Variants in CAMKMT observed in about 807,000 individuals in gnomAD.
The protein encoded by CAMKMT is CaM KMT.
Under a neutral mutation model 48.0 loss-of-function variants are expected in CAMKMT, and 53 were observed. The ratio of observed to expected loss-of-function variants is 1.10; its 90% CI spans 0.89 to 1.39. CAMKMT has a LOEUF of 1.39. Among genes scored for constraint, CAMKMT ranks in the 40% most tolerant of loss-of-function variants. The pLI is 0.00. For missense variants in CAMKMT, 428 were observed against 402.7 expected (o/e 1.06, Z -0.54); for synonymous variants, 165 against 152.3 (o/e 1.08, Z -0.61).
At chr2:44,727,803 G>C (rs971462482) in intron 7 of CAMKMT, among the ~76,000 whole-genome samples, 2 of 152,102 alleles carry the variant, frequency 1.3e-5, no homozygotes, top group Non-Finnish European at 2.9e-5. Context: ...GTCTGTTGAG[G>C]TTTTTTATCA....
chr2:44,488,857 G>GTGTA (rs1329188074), intron 3 of CAMKMT, among the ~76,000 whole-genome samples: 1 of 145,382 alleles, frequency 6.9e-6, no homozygotes, highest in Non-Finnish European at 1.6e-5. Context: ...GTGTGTGTGT[G>GTGTA]TGTGTGTGTG....
intron 3 of CAMKMT, among the ~76,000 whole-genome samples, chr2:44,504,001 G>GAGAGAGAC (rs1305680318): frequency 4.6e-5 from 7 of 151,602 alleles, no homozygotes; most frequent in African/African-American, 1.7e-4. Context: ...GAGAGAGAGA[G>GAGAGAGAC]AGAGAGAAAA....
chr2:44,633,786 T>G (rs576151321), intron 3 of CAMKMT, among the ~76,000 whole-genome samples: 7 of 152,312 alleles, frequency 4.6e-5, no homozygotes, highest in African/African-American at 1.4e-4. Flanking sequence ...ACTTTTTTTC[T>G]TCTTTAAACA....
chr2:44,626,800 C>G (rs1017226449), intron 3 of CAMKMT, among the ~76,000 whole-genome samples: 1 of 152,140 alleles, frequency 6.6e-6, no homozygotes, highest in Non-Finnish European at 1.5e-5. Context: ...GAACATTGCA[C>G]GAGACCATGT....
chr2:44,714,114 TATG>T (rs1678038842), intron 6 of CAMKMT, among the ~76,000 whole-genome samples: 1 of 152,116 alleles, frequency 6.6e-6, no homozygotes, highest in South Asian at 2.1e-4. Context: ...GCCAGGAAAA[TATG>T]ATGAAGCCAG....
At chr2:44,484,798 G>C (rs533670927) in intron 3 of CAMKMT, among the ~76,000 whole-genome samples, 54 of 151,908 alleles carry the variant, frequency 3.6e-4, no homozygotes, top group Non-Finnish European at 4.0e-4. Flanking sequence ...GTAAGTTACA[G>C]AGTAGGAGGC....
chr2:44,636,114 G>C (rs1019654397), intron 3 of CAMKMT, among the ~76,000 whole-genome samples: 2 of 152,108 alleles, frequency 1.3e-5, no homozygotes, highest in Non-Finnish European at 2.9e-5. Flanking sequence ...ATAAACTTTG[G>C]CAAATTACTT....
intron 3 of CAMKMT, among the ~76,000 whole-genome samples, chr2:44,500,147 G>T (rs1669938548): frequency 6.6e-6 from 1 of 152,136 alleles, no homozygotes; most frequent in Non-Finnish European, 1.5e-5. Context: ...CAGAATATAA[G>T]TTCAAAGCTG....
intron 3 of CAMKMT, among the ~76,000 whole-genome samples, chr2:44,592,525 A>G (rs1670358879): frequency 6.6e-6 from 1 of 152,104 alleles, no homozygotes; most frequent in South Asian, 2.1e-4. Flanking sequence ...AGTAACCCTT[A>G]TTTTACTTAA....
chr2:44,706,200 T>TGGCA, intron 4 of CAMKMT, 87 bp from the exon 5 acceptor site: 1 of 1,351,954 alleles, frequency 7.4e-7, no homozygotes, highest in South Asian at 1.2e-5. Context: ...TTACTGCAGA[T>TGGCA]GGCAATTTGT....
rs868019862 is a variant in CAMKMT at position 44,446,581 on chromosome 2, A to G, written c.376+56276A>G. Among the ~76,000 whole-genome samples, 4 of 151,892 alleles carry G rather than the reference A, an allele frequency of 2.6e-5. No homozygotes were observed. In the South Asian group the frequency reaches 8.3e-4, roughly 32 times the overall value. On this transcript the variant is annotated intron_variant, in intron 3 of 10. Transcript: ENST00000378494. ...GGCTGGTCTTGAACTCCTGGCCTCA[A>G]GTGATCCACCCACCTCTGCCTCCCA...
intron 3 of CAMKMT, among the ~76,000 whole-genome samples, chr2:44,482,672 A>G (rs1021111440): frequency 1.3e-5 from 2 of 152,138 alleles, no homozygotes; most frequent in African/African-American, 4.8e-5. Flanking sequence ...GACCCTAGAA[A>G]TGGCCTTATA....
chr2:44,497,325 AG>A (rs1456319533), intron 3 of CAMKMT, among the ~76,000 whole-genome samples: 6 of 152,198 alleles, frequency 3.9e-5, no homozygotes, highest in African/African-American at 1.4e-4. Context: ...TAAATGGAAA[AG>A]AACATTGTTC....
At chr2:44,488,337 C>T (rs932002024) in intron 3 of CAMKMT, among the ~76,000 whole-genome samples, 2 of 152,114 alleles carry the variant, frequency 1.3e-5, no homozygotes, top group African/African-American at 4.8e-5. Context: ...CCCATCTCTA[C>T]TAAAAATACA....
At chr2:44,698,792 T>A (rs2138590) in intron 3 of CAMKMT, among the ~76,000 whole-genome samples, 1,883 of 152,370 alleles carry the variant, frequency 0.012, 33 homozygotes, top group African/African-American at 0.042. Flanking sequence ...CATGCGATGC[T>A]ATTTGACAGC....
intron 8 of CAMKMT, among the ~76,000 whole-genome samples, chr2:44,748,728 T>C (rs1354246715): frequency 6.6e-6 from 1 of 151,382 alleles, no homozygotes; most frequent in African/African-American, 2.4e-5. Context: ...AAAAAAAAAA[T>C]TAGATGGGCA....
intron 3 of CAMKMT, among the ~76,000 whole-genome samples, chr2:44,620,680 G>A (rs1672133384): frequency 6.6e-6 from 1 of 152,172 alleles, no homozygotes. Context: ...ATAGTTGTGA[G>A]TTATTTCACA....
At chr2:44,739,538 C>T (rs967630795) in intron 7 of CAMKMT, among the ~76,000 whole-genome samples, 4 of 152,060 alleles carry the variant, frequency 2.6e-5, no homozygotes, top group African/African-American at 9.7e-5. Context: ...CTAGTAGATA[C>T]CCAAGTGGAA....
At chr2:44,527,838 A>G (rs1443859380) in intron 3 of CAMKMT, among the ~76,000 whole-genome samples, 2 of 121,830 alleles carry the variant, frequency 1.6e-5, no homozygotes, top group South Asian at 2.9e-4. Context: ...GTTACAATTG[A>G]TGAACCTACC....
Sources: gnomAD v4.1 joint callset for allele counts (sites outside exome capture counted in the v4.1 genomes callset) on GRCh38, gnomAD v4.1.1 for gene constraint, MANE v1.5 for transcripts, NCBI Gene and HGNC (gene_info 2026-07-23, HGNC 2026-07-21) for gene names.